MRPS28: variants seen among roughly 807,000 people sequenced by gnomAD.
MRPS28 encodes the protein mitochondrial ribosomal protein S28, also known as small ribosomal subunit protein bS1m.
Under a neutral mutation model 10.8 loss-of-function variants are expected in MRPS28, and 7 were observed. The observed-to-expected ratio is 0.65, with a 90% CI of 0.37 to 1.22. MRPS28 has a LOEUF of 1.22. MRPS28 is among the 50% of genes most tolerant of loss of function. The pLI is 0.02. For synonymous variants in MRPS28, 121 were observed against 93.3 expected, an observed-to-expected ratio of 1.30 and a Z score of -1.71; for missense variants, 265 against 232.9, an observed-to-expected ratio of 1.14 and a Z score of -0.90.
At chr8:79,989,857 G>GA (rs1452593476) in intron 2 of MRPS28, among the ~76,000 whole-genome samples, 1 of 152,088 alleles carries the variant, frequency 6.6e-6, no homozygotes, top group African/African-American at 2.4e-5. Flanking sequence ...AATGCCTACA[G>GA]AAAAATCACA....
chr8:79,999,829 G>C (rs1176889410), intron 2 of MRPS28, among the ~76,000 whole-genome samples: 2 of 152,024 alleles, frequency 1.3e-5, no homozygotes, highest in South Asian at 2.1e-4. Flanking sequence ...TGAAGAGAGA[G>C]AGCTTCAGAG....
At chr8:79,961,032 C>A (rs1306832771) in intron 2 of MRPS28, among the ~76,000 whole-genome samples, 1 of 152,046 alleles carries the variant, frequency 6.6e-6, no homozygotes, top group Non-Finnish European at 1.5e-5. Flanking sequence ...TTGAGGCCGG[C>A]CTTCCCTGAT....
At chr8:79,986,438 G>A (rs1247682060) in intron 2 of MRPS28, among the ~76,000 whole-genome samples, 3 of 152,146 alleles carry the variant, frequency 2.0e-5, no homozygotes, top group Non-Finnish European at 4.4e-5. Flanking sequence ...AATTAGGCAG[G>A]AGAAGGAAAT....
rs1042436343 is a variant in MRPS28 at position 80,003,116 on chromosome 8, C to G, written c.278G>C (p.Gly93Ala). The G allele has an allele frequency of 1.2e-6, 2 of 1,613,126 alleles. No homozygotes were observed. Among genetic ancestry groups the G allele is most frequent in the African/African-American group, 2.7e-5 (2 of 74,858 alleles). Residue 93 changes from glycine to alanine, a missense_variant, in exon 2 of 3, where the codon GGA (glycine) becomes GCA (alanine). By Grantham distance (60) the Gly-to-Ala change is moderately conservative (BLOSUM62 0). Transcript: ENST00000276585. ...AATGACCAGTTTATCCTTTGCAGGT[C>G]CCATCTGTGTAAGAGGAGAATGTCT... ...MLRHSPLTQM[G>A]PAKDKLVIGR...
intron 2 of MRPS28, among the ~76,000 whole-genome samples, chr8:79,979,262 A>G (rs1807884988): frequency 1.3e-5 from 2 of 152,120 alleles, no homozygotes; most frequent in Non-Finnish European, 2.9e-5. Context: ...TTGCCACTTA[A>G]TAGTGGTGGG....
In MRPS28 at chr8:80,014,808, T is replaced by G. The variant is rs548697755; in HGVS notation, c.214-11628A>C. On this transcript the variant is annotated intron_variant, in intron 1 of 2. Transcript: ENST00000276585. Reference sequence around the variant, plus strand: ...TCTAGTATTTGTCAACCAAGATGATTTCCCCCCTGCCACCCCCACTCCAGG... The same window carrying G: ...TCTAGTATTTGTCAACCAAGATGATGTCCCCCCTGCCACCCCCACTCCAGG... 1.9e-4 allele frequency among the ~76,000 whole-genome samples: 29 copies of G among 152,212 alleles called. No homozygotes were observed. In the South Asian group the frequency reaches 5.6e-3, roughly 29 times the overall value.
chr8:79,947,135 C>T (rs184274143), intron 2 of MRPS28, among the ~76,000 whole-genome samples: 43 of 152,196 alleles, frequency 2.8e-4, no homozygotes, highest in Admixed American at 1.2e-3. Flanking sequence ...TCTTTATATA[C>T]GCAAGCAAAA....
intron 1 of MRPS28, among the ~76,000 whole-genome samples, chr8:80,007,697 T>G (rs1445639305): frequency 1.3e-5 from 2 of 152,208 alleles, no homozygotes; most frequent in East Asian, 3.9e-4. Context: ...ATAAAATACC[T>G]AGGAATCCAA....
intron 2 of MRPS28, among the ~76,000 whole-genome samples, chr8:79,997,776 C>T (rs748202569): frequency 3.9e-5 from 6 of 152,050 alleles, no homozygotes; most frequent in Admixed American, 6.6e-5. Context: ...TACAACTAGG[C>T]CGGGCATGGT....
intron 2 of MRPS28, among the ~76,000 whole-genome samples, chr8:79,960,993 G>C (rs1278521132): frequency 6.6e-6 from 1 of 152,060 alleles, no homozygotes; most frequent in African/African-American, 2.4e-5. Context: ...CAGTGACAAT[G>C]GTCAAAATGG....
rs901284209 is a variant in MRPS28 at position 79,984,193 on chromosome 8, C to G, written c.395+18806G>C. On this transcript the variant is annotated intron_variant, in intron 2 of 2. Coordinates refer to ENST00000276585, the MANE Select transcript of MRPS28 (RefSeq NM_014018.3). The stretch of plus-strand genomic sequence containing the variant: ...CAAACTAAGCTTCATAAGTGAAGGA[C>G]AAATAAAATCCTTTACAGACTAGCA... Among the ~76,000 whole-genome samples, 36 of 152,074 alleles carry G rather than the reference C, an allele frequency of 2.4e-4. 1 individual carries two copies. Among genetic ancestry groups the G allele is most frequent in the Admixed American group, 1.5e-3 (23 of 15,256 alleles).
intron 2 of MRPS28, among the ~76,000 whole-genome samples, chr8:79,947,683 G>A (rs113305113): frequency 0.023 from 3,068 of 134,122 alleles, 106 homozygotes; most frequent in African/African-American, 0.081. Flanking sequence ...CGCCCAGGCT[G>A]GAGTGCAGTG....
intron 2 of MRPS28, among the ~76,000 whole-genome samples, chr8:79,951,057 G>A (rs1010248760): frequency 5.3e-5 from 8 of 152,172 alleles, no homozygotes; most frequent in Admixed American, 4.6e-4. Context: ...CCCAGGGAAA[G>A]AATAAATATG....
At chr8:79,936,817 A>G (rs1586044957) in intron 2 of MRPS28, among the ~76,000 whole-genome samples, 1 of 152,112 alleles carries the variant, frequency 6.6e-6, no homozygotes, top group South Asian at 2.1e-4. Flanking sequence ...GTGTGATAAC[A>G]TATTTCTCTA....
chr8:79,955,371 C>A (rs1807178856), intron 2 of MRPS28, among the ~76,000 whole-genome samples: 1 of 152,140 alleles, frequency 6.6e-6, no homozygotes, highest in Non-Finnish European at 1.5e-5. Context: ...ATTAAGAGTA[C>A]CTTTGACTTC....
intron 2 of MRPS28, among the ~76,000 whole-genome samples, chr8:79,994,673 C>T (rs1427288259): frequency 6.6e-6 from 1 of 152,126 alleles, no homozygotes; most frequent in African/African-American, 2.4e-5. Flanking sequence ...AAATATGCTC[C>T]ACACCTCTGC....
intron 2 of MRPS28, among the ~76,000 whole-genome samples, chr8:79,920,293 T>C (rs1267861047): frequency 1.3e-5 from 2 of 152,210 alleles, no homozygotes; most frequent in East Asian, 3.9e-4. Context: ...TATAATCCTT[T>C]GGGTATATAC....
At chr8:79,999,653 G>A (rs1225899547) in intron 2 of MRPS28, among the ~76,000 whole-genome samples, 1 of 152,162 alleles carries the variant, frequency 6.6e-6, no homozygotes, top group Non-Finnish European at 1.5e-5. Context: ...AAAAAACAAT[G>A]TATGTCGATA....
chr8:79,983,966 T>C (rs1334490909), intron 2 of MRPS28, among the ~76,000 whole-genome samples: 3 of 151,918 alleles, frequency 2.0e-5, no homozygotes, highest in East Asian at 3.9e-4. Context: ...CCAAGACACA[T>C]AATTGTCAGA....
Sources: gnomAD v4.1 joint callset for allele counts (sites outside exome capture counted in the v4.1 genomes callset) on GRCh38, gnomAD v4.1.1 for gene constraint, MANE v1.5 for transcripts, NCBI Gene and HGNC (gene_info 2026-07-23, HGNC 2026-07-21) for gene names.